Variants in CFAP54 observed in about 807,000 individuals in gnomAD.
CFAP54 encodes the protein cilia and flagella associated protein 54.
CFAP54 carries 290 observed loss-of-function variants against 370.4 expected under a neutral mutation model. That is an observed-to-expected ratio of 0.78 (90% CI 0.71 to 0.86). The LOEUF is 0.86. Among genes scored for constraint, CFAP54 ranks in the 40% least tolerant of loss-of-function variants. The pLI is 0.00. For synonymous variants in CFAP54, 1,206 were observed against 1,236.5 expected, an observed-to-expected ratio of 0.98 and a Z score of 0.52; for missense variants, 3,399 against 3,528.7, an observed-to-expected ratio of 0.96 and a Z score of 0.93.
intron 39 of CFAP54, among the ~76,000 whole-genome samples, chr12:96,669,991 T>C (rs1259081756): frequency 6.6e-6 from 1 of 152,192 alleles, no homozygotes; most frequent in Non-Finnish European, 1.5e-5. Context: ...CAAACAAGTG[T>C]CATTGCTTTA....
intron 22 of CFAP54, 86 bp from the exon 23 acceptor site, chr12:96,589,341 T>C (rs1956103821): frequency 9.0e-7 from 1 of 1,105,810 alleles, no homozygotes; most frequent in Non-Finnish European, 1.3e-6. Context: ...TAAAATGCTG[T>C]CATAGATTGT....
chr12:96,754,991 G>T (rs10860089), intron 56 of CFAP54, among the ~76,000 whole-genome samples: 3 of 151,738 alleles, frequency 2.0e-5, no homozygotes, highest in South Asian at 2.1e-4. Context: ...CTATCCACCC[G>T]CCTTGGCCTC....
At chr12:96,574,598 G>A (rs1362859948) in intron 19 of CFAP54, among the ~76,000 whole-genome samples, 1 of 151,856 alleles carries the variant, frequency 6.6e-6, no homozygotes, top group East Asian at 1.9e-4. Flanking sequence ...TGTTTGAAAT[G>A]TCTTTTTGGC....
At chr12:96,640,988 G>C (rs994018503) in intron 32 of CFAP54, among the ~76,000 whole-genome samples, 10 of 151,976 alleles carry the variant, frequency 6.6e-5, no homozygotes, top group Non-Finnish European at 1.0e-4. Context: ...AGAAAACCTA[G>C]GCAATACCAT....
intron 55 of CFAP54, among the ~76,000 whole-genome samples, chr12:96,745,856 G>T (rs10777810): frequency 0.38 from 57,432 of 152,022 alleles, 12,009 homozygotes; most frequent in East Asian, 0.68. Context: ...CCCTTGAAGG[G>T]ACAGCATCTT....
At chr12:96,625,923 T>C in intron 29 of CFAP54, 116 bp downstream of exon 29, 2 of 763,192 alleles carry the variant, frequency 2.6e-6, no homozygotes, top group Non-Finnish European at 4.1e-6. Context: ...AGGCAGAATA[T>C]TTTGAATTCT....
intron 1 of CFAP54, among the ~76,000 whole-genome samples, chr12:96,497,311 G>T (rs1954965503): frequency 6.6e-6 from 1 of 152,182 alleles, no homozygotes; most frequent in Admixed American, 6.5e-5. Context: ...ATAGGCAAGA[G>T]ACCCAAAATA....
At chr12:96,690,314 C>T (rs1056584547) in intron 43 of CFAP54, among the ~76,000 whole-genome samples, 1 of 152,098 alleles carries the variant, frequency 6.6e-6, no homozygotes, top group African/African-American at 2.4e-5. Context: ...ATCTCATGAC[C>T]TTAATAAGCC....
chr12:96,632,467 T>G (rs955544009), intron 32 of CFAP54, among the ~76,000 whole-genome samples: 13 of 152,040 alleles, frequency 8.6e-5, no homozygotes, highest in African/African-American at 3.1e-4. Flanking sequence ...TTTTTAGTTT[T>G]GTTGCAGGTA....
intron 19 of CFAP54, among the ~76,000 whole-genome samples, chr12:96,570,217 G>T (rs1390088718): frequency 6.6e-6 from 1 of 151,920 alleles, no homozygotes; most frequent in Non-Finnish European, 1.5e-5. Context: ...CAAGGGGTCC[G>T]CTTTCCTCAG....
chr12:96,708,597 C>T lies in CFAP54; in HGVS notation c.6529-11C>T, dbSNP rs1311736328. 4 of 1,575,934 alleles carry T rather than the reference C, an allele frequency of 2.5e-6. No homozygotes were observed. In the Admixed American group the frequency reaches 6.2e-5, roughly 24 times the overall value. ...TCTAATTTGCTCTTTTTCCTTTTTT[C>T]CATTTTTTAGGCAATTGATGAATTA... is the stretch of plus-strand genomic sequence containing the variant. On this transcript the variant is annotated splice_polypyrimidine_tract_variant and intron_variant, in intron 47 of 67. Transcript: ENST00000524981.
intron 48 of CFAP54, among the ~76,000 whole-genome samples, chr12:96,711,951 AAG>A (rs541510736): frequency 6.6e-6 from 1 of 152,150 alleles, no homozygotes; most frequent in Non-Finnish European, 1.5e-5. Context: ...GCTTATGAGT[AAG>A]AGCTTCTATA....
chr12:96,826,192 T>G (rs1959100016), intron 65 of CFAP54, among the ~76,000 whole-genome samples: 2 of 145,770 alleles, frequency 1.4e-5, no homozygotes, highest in South Asian at 4.2e-4. Flanking sequence ...AAAACTCCAT[T>G]ATATCTAAGT....
chr12:96,596,759 G>GA (rs577944848), intron 25 of CFAP54, among the ~76,000 whole-genome samples: 2 of 151,354 alleles, frequency 1.3e-5, no homozygotes, highest in East Asian at 3.9e-4. Flanking sequence ...TACAGATTTG[G>GA]AAAAAAAATA....
intron 63 of CFAP54, among the ~76,000 whole-genome samples, chr12:96,794,729 T>C (rs916872170): frequency 3.3e-5 from 5 of 152,244 alleles, no homozygotes; most frequent in Non-Finnish European, 5.9e-5. Context: ...TTCTGAGTTC[T>C]TTTTCTGGCA....
intron 20 of CFAP54, 125 bp from the exon 21 acceptor site, chr12:96,580,472 A>G (rs996002990): frequency 3.7e-6 from 2 of 535,564 alleles, no homozygotes; most frequent in Admixed American, 3.8e-5. Context: ...ACCTAAGTAT[A>G]TTTGTAAACT....
At chr12:96,747,130 C>T (rs1370603091) in intron 55 of CFAP54, among the ~76,000 whole-genome samples, 2 of 152,182 alleles carry the variant, frequency 1.3e-5, no homozygotes, top group Non-Finnish European at 1.5e-5. Flanking sequence ...TAGCACAGTG[C>T]CTGAAATCAA....
chr12:96,702,508 G>A (rs996746737), intron 46 of CFAP54, among the ~76,000 whole-genome samples: 1 of 152,140 alleles, frequency 6.6e-6, no homozygotes, highest in East Asian at 1.9e-4. Flanking sequence ...AACCAGTTGG[G>A]TAGGATGAGA....
chr12:96,848,953 T>C (rs1959454545), intron 66 of CFAP54, among the ~76,000 whole-genome samples: 5 of 152,200 alleles, frequency 3.3e-5, no homozygotes, highest in Admixed American at 2.6e-4. Flanking sequence ...ATTGCTGGTA[T>C]TGGGATTTTC....
Sources: gnomAD v4.1 joint callset for allele counts (sites outside exome capture counted in the v4.1 genomes callset) on GRCh38, gnomAD v4.1.1 for gene constraint, MANE v1.5 for transcripts, NCBI Gene and HGNC (gene_info 2026-07-23, HGNC 2026-07-21) for gene names.